TNS3: variants seen among roughly 807,000 people sequenced by gnomAD.
The protein encoded by TNS3 is tensin-3.
In TNS3, 45 loss-of-function variants were observed where a neutral mutation model predicts 140.9. The ratio of observed to expected loss-of-function variants is 0.32; its 90% confidence interval spans 0.25 to 0.41. TNS3 has a LOEUF of 0.41. TNS3 is among the 10% of genes least tolerant of loss of function. The probability of loss-of-function intolerance (pLI) is 1.00; values close to 1 mark genes in which losing one functional copy is unlikely to be tolerated. For synonymous variants in TNS3, 815 were observed against 788.4 expected, an observed-to-expected ratio of 1.03 and a Z score of -0.56; for missense variants, 1,716 against 1,906.7, an observed-to-expected ratio of 0.90 and a Z score of 1.86.
chr7:47,426,835 C>T (rs1367524603), intron 9 of TNS3, among the ~76,000 whole-genome samples: 4 of 152,064 alleles, frequency 2.6e-5, no homozygotes, highest in African/African-American at 9.7e-5. Context: ...GATAGAAATG[C>T]TCAGGTGTGG....
At chr7:47,454,312 C>T (rs569094203) in intron 4 of TNS3, among the ~76,000 whole-genome samples, 8 of 152,314 alleles carry the variant, frequency 5.3e-5, no homozygotes, top group South Asian at 2.1e-4. Flanking sequence ...ACAGCAGTGA[C>T]GGCAGGGGGT....
chr7:47,440,660 A>G (rs1795421577), intron 5 of TNS3, among the ~76,000 whole-genome samples: 1 of 152,112 alleles, frequency 6.6e-6, no homozygotes, highest in Non-Finnish European at 1.5e-5. Flanking sequence ...AGCCCCTCCC[A>G]GGAGTGCTCC....
chr7:47,318,428 C>T (rs1787536481), intron 20 of TNS3, among the ~76,000 whole-genome samples: 1 of 152,184 alleles, frequency 6.6e-6, no homozygotes, highest in South Asian at 2.1e-4. Flanking sequence ...GGACTGGTTA[C>T]TTGCAACAGG....
chr7:47,417,319 C>A (rs573552542), intron 10 of TNS3, among the ~76,000 whole-genome samples: 3 of 152,332 alleles, frequency 2.0e-5, no homozygotes, highest in East Asian at 3.9e-4. Context: ...TGTGGCCTGG[C>A]CGAAATTGTT....
intron 4 of TNS3, among the ~76,000 whole-genome samples, chr7:47,449,686 C>A (rs368218117): frequency 1.3e-5 from 2 of 152,334 alleles, no homozygotes; most frequent in African/African-American, 4.8e-5. Context: ...TGGCTCACTG[C>A]AACCTCCATC....
intron 4 of TNS3, among the ~76,000 whole-genome samples, chr7:47,461,622 G>T (rs965953594): frequency 6.6e-6 from 1 of 152,260 alleles, no homozygotes; most frequent in Non-Finnish European, 1.5e-5. Context: ...GCTGGGCTCT[G>T]CAGTCCCGCA....
chr7:47,278,260 C>A (rs1029777410), intron 30 of TNS3, 40 bp from the exon 31 acceptor site: 3 of 1,592,836 alleles, frequency 1.9e-6, no homozygotes, highest in African/African-American at 2.7e-5. Flanking sequence ...CAGTGTCCCA[C>A]AAAGTACCAA....
intron 18 of TNS3, among the ~76,000 whole-genome samples, chr7:47,345,599 C>G (rs935231287): frequency 6.6e-6 from 1 of 152,174 alleles, no homozygotes; most frequent in Non-Finnish European, 1.5e-5. Context: ...AATAATTAAT[C>G]GTTTTGGATA....
chr7:47,349,264 T>TA (rs1789524072), intron 17 of TNS3, among the ~76,000 whole-genome samples: 1 of 152,152 alleles, frequency 6.6e-6, no homozygotes, highest in South Asian at 2.1e-4. Flanking sequence ...AATCTTCATT[T>TA]AAAAAAAGTC....
At chr7:47,366,937 C>A (rs1201684262) in intron 17 of TNS3, among the ~76,000 whole-genome samples, 1 of 152,230 alleles carries the variant, frequency 6.6e-6, no homozygotes. Flanking sequence ...CAGCCATGTC[C>A]CTTGTCCTTT....
At chr7:47,309,959 C>A (rs888760381) in intron 20 of TNS3, among the ~76,000 whole-genome samples, 7 of 152,230 alleles carry the variant, frequency 4.6e-5, no homozygotes, top group Non-Finnish European at 8.8e-5. Flanking sequence ...TGGGCCAAAA[C>A]CTCCAGGGAA....
intron 1 of TNS3, among the ~76,000 whole-genome samples, chr7:47,554,080 C>T (rs931313466): frequency 6.7e-6 from 1 of 149,520 alleles, no homozygotes; most frequent in Non-Finnish European, 1.5e-5. Flanking sequence ...GCTGGGATTA[C>T]AAGCGTGAGC....
chr7:47,470,252 T>A (rs1317888538), intron 4 of TNS3, among the ~76,000 whole-genome samples: 4 of 152,152 alleles, frequency 2.6e-5, no homozygotes, highest in African/African-American at 9.7e-5. Context: ...AAAAACCACC[T>A]ATTGGGTACT....
At chr7:47,415,556 C>G (rs550051509) in intron 10 of TNS3, among the ~76,000 whole-genome samples, 1 of 152,244 alleles carries the variant, frequency 6.6e-6, no homozygotes, top group Non-Finnish European at 1.5e-5. Context: ...GAAGCAGAGG[C>G]CTGGCACACC....
chr7:47,444,214 CT>C (rs1444410057), intron 4 of TNS3, among the ~76,000 whole-genome samples: 2 of 152,196 alleles, frequency 1.3e-5, no homozygotes, highest in Admixed American at 1.3e-4. Context: ...GACCATGGTC[CT>C]GGGTCTTACA....
At chr7:47,435,958 C>T (rs912137711) in intron 7 of TNS3, among the ~76,000 whole-genome samples, 10 of 152,232 alleles carry the variant, frequency 6.6e-5, no homozygotes, top group Non-Finnish European at 1.5e-4. Context: ...TGCAGAACTG[C>T]AGCTCTGAGC....
At chr7:47,406,690 C>T (rs994574298) in intron 13 of TNS3, among the ~76,000 whole-genome samples, 3 of 152,208 alleles carry the variant, frequency 2.0e-5, no homozygotes, top group African/African-American at 7.2e-5. Context: ...TAAATCTATG[C>T]ACATGCTTTC....
In TNS3 at chr7:47,439,176, A is replaced by G. The variant is rs560341483; in HGVS notation, c.150+311T>C. 3.3e-5 allele frequency among the ~76,000 whole-genome samples: 5 copies of G among 152,316 alleles called. No individual in the cohort carries two copies. In the South Asian group the frequency reaches 8.3e-4, roughly 25 times the overall value. ...TACGAGGGATGCAGCATGGGAGCGC[A>G]AGGGTGGCTGGCTGGGGACATGTCC... On this transcript the variant is annotated intron_variant, in intron 6 of 30. Coordinates refer to ENST00000311160, the MANE Select transcript of TNS3 (RefSeq NM_022748.12).
rs17172877 is a variant in TNS3 at position 47,525,652 on chromosome 7, A to C, written c.-153+3384T>G. ...CTCACATGTTCCCTCACAATGTGGA[A>C]TATCTGTGCGCTCAAGCAAATGCAT... is the stretch of plus-strand genomic sequence containing the variant. On this transcript the variant is annotated intron_variant, in intron 2 of 30. Transcript: ENST00000311160. 8.1e-3 allele frequency among the ~76,000 whole-genome samples: 1,236 copies of C among 152,342 alleles called. 17 individuals are homozygous for C. The highest frequency in any genetic ancestry group is 0.029 in the African/African-American group (1,189 of 41,576).
Sources: gnomAD v4.1 joint callset for allele counts (sites outside exome capture counted in the v4.1 genomes callset) on GRCh38, gnomAD v4.1.1 for gene constraint, MANE v1.5 for transcripts, NCBI Gene and HGNC (gene_info 2026-07-23, HGNC 2026-07-21) for gene names.